The following GASK1B variants were observed in gnomAD, a reference collection of about 807,000 sequenced individuals.
The protein encoded by GASK1B is Golgi-associated kinase 1B.
In GASK1B, 34 loss-of-function variants were observed where a neutral mutation model predicts 42.8. That is an observed-to-expected ratio of 0.79 (90% CI 0.60 to 1.06). The LOEUF (loss-of-function observed/expected upper bound fraction) is 1.06, where lower values mean the gene tolerates loss of function less well. Among genes scored for constraint, GASK1B ranks in the 50% least tolerant of loss-of-function variants. The probability of loss-of-function intolerance (pLI) is 0.00; values close to 1 mark genes in which losing one functional copy is unlikely to be tolerated. For synonymous variants in GASK1B, 262 were observed against 259.1 expected (o/e 1.01, Z -0.11); for missense variants, 686 against 661.0 (o/e 1.04, Z -0.42).
chr4:158,137,126 G>A (rs1334810638), intron 3 of GASK1B, among the ~76,000 whole-genome samples: 1 of 152,124 alleles, frequency 6.6e-6, no homozygotes, highest in African/African-American at 2.4e-5. Flanking sequence ...TGCTTGCTGT[G>A]TGCTTTTGGT....
intron 3 of GASK1B, among the ~76,000 whole-genome samples, chr4:158,135,639 T>C (rs1730859500): frequency 6.6e-6 from 1 of 151,296 alleles, no homozygotes; most frequent in Non-Finnish European, 1.5e-5. Flanking sequence ...AGCTTTAAAG[T>C]CCATGCTCTT....
chr4:158,131,380 T>C (rs550669909), intron 3 of GASK1B, among the ~76,000 whole-genome samples: 1 of 152,336 alleles, frequency 6.6e-6, no homozygotes, highest in South Asian at 2.1e-4. Flanking sequence ...GAAGGCTCTG[T>C]CTTGTTTTCT....
intron 2 of GASK1B, among the ~76,000 whole-genome samples, chr4:158,165,337 C>T (rs1323560894): frequency 6.6e-6 from 1 of 152,110 alleles, no homozygotes; most frequent in Non-Finnish European, 1.5e-5. Flanking sequence ...AGGATATTTT[C>T]ACTTTTTAAA....
chr4:158,144,045 T>C (rs1028016815), intron 3 of GASK1B, among the ~76,000 whole-genome samples: 2 of 152,164 alleles, frequency 1.3e-5, no homozygotes, highest in Non-Finnish European at 2.9e-5. Flanking sequence ...ATTATTTCCC[T>C]GCAAAAAATG....
intron 3 of GASK1B, among the ~76,000 whole-genome samples, chr4:158,138,220 TCACCAGGCAAG>T (rs1351590313): frequency 6.6e-6 from 1 of 151,966 alleles, no homozygotes; most frequent in East Asian, 1.9e-4. Context: ...AAGACTGGAG[TCACCAGGCAAG>T]CAACAATCTA....
chr4:158,158,256 C>T (rs933471252), intron 2 of GASK1B, among the ~76,000 whole-genome samples: 5 of 152,146 alleles, frequency 3.3e-5, no homozygotes, highest in African/African-American at 1.2e-4. Flanking sequence ...CTAACATAAA[C>T]ACATGCCCCA....
intron 4 of GASK1B, among the ~76,000 whole-genome samples, chr4:158,128,186 T>A (rs903820704): frequency 6.6e-6 from 1 of 152,216 alleles, no homozygotes; most frequent in Non-Finnish European, 1.5e-5. Context: ...AGTCATATTA[T>A]ACTCCTGGAG....
Position 158,171,041 on chromosome 4 carries a change from C to A in GASK1B, c.335G>T (p.Arg112Leu), listed in dbSNP as rs1298229393. Residue 112 changes from arginine (R) to leucine (L), a missense_variant, in exon 2 of 5, where the codon CGC (arginine) becomes CTC (leucine). By Grantham distance (102) the Arg-to-Leu change is moderately radical. Transcript: ENST00000585682. Reference sequence around the variant, plus strand: ...ATTGGCCGGCTTGCTGCGCTTGGAGCGTAGGGTAATGTACACCACATTGGG... The same window carrying A: ...ATTGGCCGGCTTGCTGCGCTTGGAGAGTAGGGTAATGTACACCACATTGGG... Reference protein sequence around the residue: ...LQPNVVYITLRSKRSKPANIR... With the variant: ...LQPNVVYITLLSKRSKPANIR... 6.2e-7 allele frequency: 1 copy of A among 1,613,708 alleles called. No homozygotes were observed. Among genetic ancestry groups the A allele is most frequent in the Admixed American group, 1.7e-5 (1 of 60,000 alleles).
chr4:158,171,496 T>C lies in GASK1B; in HGVS notation c.-121A>G. 4 of 1,047,860 alleles carry C rather than the reference T, an allele frequency of 3.8e-6. No individual in the cohort carries two copies. In the South Asian group the frequency reaches 8.3e-5, roughly 22 times the overall value. The allele number at this position is 1,047,860 out of a possible 1,614,324, so 64.9% of individuals were successfully genotyped here. On this transcript the variant is annotated 5_prime_UTR_variant, in exon 2 of 5. Coordinates refer to ENST00000585682, the MANE Select transcript of GASK1B (RefSeq NM_001128424.2). ...GCTTCGGGATATAAGTGGTCTCCAG[T>C]GGGCAGAGGTGGAAGGAAAGGGTTG...
chr4:158,140,705 G>A (rs996691594), intron 3 of GASK1B, among the ~76,000 whole-genome samples: 1 of 152,124 alleles, frequency 6.6e-6, no homozygotes, highest in South Asian at 2.1e-4. Context: ...AATCCCAAAA[G>A]CTAGTCCCAG....
chr4:158,153,027 G>A (rs923915862), intron 3 of GASK1B, among the ~76,000 whole-genome samples: 3 of 152,040 alleles, frequency 2.0e-5, no homozygotes, highest in African/African-American at 4.8e-5. Context: ...AAGAAATAAA[G>A]GACATCCAAA....
chr4:158,133,805 G>C (rs1472708202), intron 3 of GASK1B, among the ~76,000 whole-genome samples: 1 of 152,172 alleles, frequency 6.6e-6, no homozygotes, highest in African/African-American at 2.4e-5. Context: ...CATTATTACT[G>C]AAAACAGGTG....
At chr4:158,136,189 G>C (rs1440377613) in intron 3 of GASK1B, among the ~76,000 whole-genome samples, 2 of 152,036 alleles carry the variant, frequency 1.3e-5, no homozygotes, top group Non-Finnish European at 2.9e-5. Context: ...CTGAGAGTAA[G>C]GGGAACATTA....
At chr4:158,159,133 T>A (rs778853042) in intron 2 of GASK1B, among the ~76,000 whole-genome samples, 5 of 152,080 alleles carry the variant, frequency 3.3e-5, no homozygotes, top group Non-Finnish European at 7.4e-5. Flanking sequence ...TTCATCCATT[T>A]CCCCTCAGCA....
intron 3 of GASK1B, among the ~76,000 whole-genome samples, chr4:158,138,704 T>C (rs1339127691): frequency 2.0e-5 from 3 of 152,062 alleles, no homozygotes; most frequent in African/African-American, 4.8e-5. Flanking sequence ...TAAATGACTA[T>C]ATTAAAACTC....
At chr4:158,157,675 G>A (rs939211983) in intron 2 of GASK1B, among the ~76,000 whole-genome samples, 1 of 152,220 alleles carries the variant, frequency 6.6e-6, no homozygotes, top group East Asian at 1.9e-4. Context: ...ATCAAAGGGA[G>A]TTGAAACCTA....
chr4:158,163,569 A>C (rs1437958372), intron 2 of GASK1B, among the ~76,000 whole-genome samples: 1 of 151,092 alleles, frequency 6.6e-6, no homozygotes. Context: ...ACTCTGTCTC[A>C]GAAAAAAAAA....
intron 3 of GASK1B, among the ~76,000 whole-genome samples, chr4:158,145,088 C>A (rs1355043993): frequency 6.6e-6 from 1 of 152,156 alleles, no homozygotes; most frequent in Non-Finnish European, 1.5e-5. Flanking sequence ...TGGAATCTTT[C>A]TCTGTTATGC....
At chr4:158,144,645 T>C (rs991602187) in intron 3 of GASK1B, among the ~76,000 whole-genome samples, 1 of 152,048 alleles carries the variant, frequency 6.6e-6, no homozygotes, top group Non-Finnish European at 1.5e-5. Flanking sequence ...AAAGCAGAAA[T>C]ACATTGTTCT....
Sources: allele counts gnomAD v4.1 joint callset (sites outside exome capture counted in the v4.1 genomes callset), GRCh38; gene constraint gnomAD v4.1.1; transcripts MANE v1.5; gene names NCBI Gene and HGNC (gene_info 2026-07-23, HGNC 2026-07-21).